MTCL1: variants seen among roughly 807,000 people sequenced by gnomAD.
The protein encoded by MTCL1 is microtubule cross-linking factor 1.
Under a neutral mutation model 141.4 loss-of-function variants are expected in MTCL1, and 79 were observed. The observed-to-expected ratio is 0.56, with a 90% CI of 0.47 to 0.67. The LOEUF is 0.67. Ranked by LOEUF, MTCL1 falls within the 30% of genes least tolerant of loss-of-function variation. MTCL1 has a pLI of 0.00. For missense variants in MTCL1, 2,177 were observed against 2,113.9 expected (o/e 1.03, Z -0.59); for synonymous variants, 914 against 875.8 (o/e 1.04, Z -0.77).
At chr18:8,802,721 G>C (rs939338419) in intron 10 of MTCL1, among the ~76,000 whole-genome samples, 1 of 152,194 alleles carries the variant, frequency 6.6e-6, no homozygotes, top group Admixed American at 6.5e-5. Flanking sequence ...AGCTAGGTGA[G>C]GCTGTAATGC....
chr18:8,805,102 A>AATATATATATAT (rs71356268), intron 10 of MTCL1, among the ~76,000 whole-genome samples: 3,146 of 146,280 alleles, frequency 0.022, 112 homozygotes, highest in Admixed American at 0.088. Context: ...TTTATTTTTG[A>AATATATATATAT]ATATATATAT....
intron 3 of MTCL1, among the ~76,000 whole-genome samples, chr18:8,719,841 A>C (rs2096156359): frequency 6.6e-6 from 1 of 152,188 alleles, no homozygotes; most frequent in African/African-American, 2.4e-5. Context: ...AAGTGCTGGG[A>C]TTACAGGCAA....
exon 15 of MTCL1, chr18:8,826,130 A>G (rs771760300): frequency 8.7e-6 from 14 of 1,613,408 alleles, no homozygotes; most frequent in Middle Eastern, 1.7e-4. Flanking sequence ...AGCTGCTGGA[A>G]CATGCCTTAA....
Position 8,718,661 on chromosome 18 carries a change from G to T in MTCL1, c.198+13G>T, listed in dbSNP as rs144446702. The T allele has an allele frequency of 7.3e-5, 117 of 1,611,600 alleles. No homozygotes were observed. The African/African-American group carries it at 1.4e-3, about 19-fold the overall frequency. On this transcript the variant is annotated intron_variant, in intron 3 of 16. Transcript: ENST00000359865. ...GCAGGACTTGAAGGTGAGTGAGGGG[G>T]TGGTGCGTGCACCTCGCAAGGCTGC... is the stretch of plus-strand genomic sequence containing the variant.
chr18:8,807,776 A>G (rs2076348918), intron 11 of MTCL1, among the ~76,000 whole-genome samples: 1 of 152,182 alleles, frequency 6.6e-6, no homozygotes, highest in Non-Finnish European at 1.5e-5. Flanking sequence ...CCTACATGGT[A>G]TCTGCTGCTG....
At chr18:8,732,051 A>T (rs1049554999) in intron 4 of MTCL1, among the ~76,000 whole-genome samples, 1 of 152,150 alleles carries the variant, frequency 6.6e-6, no homozygotes, top group African/African-American at 2.4e-5. Flanking sequence ...TTGAATTTAT[A>T]TGCTACAAGT....
At chr18:8,721,262 GC>G (rs2096169963) in intron 4 of MTCL1, among the ~76,000 whole-genome samples, 1 of 152,216 alleles carries the variant, frequency 6.6e-6, no homozygotes, top group African/African-American at 2.4e-5. Context: ...CCTGCCAGCA[GC>G]CTTGCTTAGC....
At chr18:8,791,690 G>A (rs1187032589) in intron 7 of MTCL1, among the ~76,000 whole-genome samples, 1 of 152,048 alleles carries the variant, frequency 6.6e-6, no homozygotes, top group Non-Finnish European at 1.5e-5. Flanking sequence ...TGCAAAATTA[G>A]TCATTGAGGT....
intron 4 of MTCL1, among the ~76,000 whole-genome samples, chr18:8,742,828 C>T (rs2096312224): frequency 6.6e-6 from 1 of 152,160 alleles, no homozygotes; most frequent in African/African-American, 2.4e-5. Context: ...ATACAGTTTT[C>T]CCTTAACAAA....
chr18:8,778,186 A>G (rs2096519040), intron 5 of MTCL1, among the ~76,000 whole-genome samples: 1 of 152,234 alleles, frequency 6.6e-6, no homozygotes, highest in Non-Finnish European at 1.5e-5. Flanking sequence ...GTACTTATAA[A>G]TGGTAAAAAG....
chr18:8,821,547 G>C, intron 14 of MTCL1, 49 bp downstream of exon 13: 1 of 1,130,596 alleles, frequency 8.8e-7, no homozygotes, highest in African/African-American at 1.6e-5. Flanking sequence ...AAAATGTCTT[G>C]GTCTTAAAAT....
intron 15 of MTCL1, among the ~76,000 whole-genome samples, chr18:8,827,116 G>C (rs1200093045): frequency 2.0e-5 from 3 of 152,204 alleles, no homozygotes; most frequent in Non-Finnish European, 4.4e-5. Context: ...TTCACACTGG[G>C]AACACCTGGC....
At chr18:8,827,054 C>T (rs1403458566) in intron 15 of MTCL1, among the ~76,000 whole-genome samples, 7 of 152,206 alleles carry the variant, frequency 4.6e-5, no homozygotes, top group Admixed American at 3.9e-4. Flanking sequence ...ACAGAGAGGA[C>T]GTGTCTGTCC....
chr18:8,806,793 A>C, intron 10 of MTCL1, 100 bp from the exon 10 acceptor site: 10 of 743,348 alleles, frequency 1.3e-5, no homozygotes, highest in East Asian at 9.8e-5. Context: ...AACACCTGGG[A>C]AACAGCCCCC....
At chr18:8,727,118 C>T (rs1451137276) in intron 4 of MTCL1, among the ~76,000 whole-genome samples, 2 of 152,126 alleles carry the variant, frequency 1.3e-5, no homozygotes, top group African/African-American at 2.4e-5. Flanking sequence ...CATGTTGCTG[C>T]GAAAGACAGG....
Position 8,720,490 on chromosome 18 carries a change from G to A in MTCL1, c.351G>A (p.Leu117=), listed in dbSNP as rs776777146. 2.5e-6 allele frequency: 4 copies of A among 1,613,830 alleles called. No individual in the cohort carries two copies. The East Asian group carries it at 6.7e-5, about 27-fold the overall frequency. The change falls in exon 4 of 17, where the codon CTG becomes CTA. Residue 117 remains leucine, a synonymous_variant. Transcript: ENST00000359865. ...CCCTCCAGAATGAGCTGGAGAGACT[G>A]AAAGAGGTAATCCAAAACTGTGGGG...
rs1254759757 is a variant in MTCL1 at position 8,793,117 on chromosome 18, TA to T, written c.2009del (p.Lys670ArgfsTer10). On this transcript the variant is annotated frameshift_variant and splice_region_variant, in exon 8 of 17. Coordinates refer to ENST00000359865, the Ensembl canonical transcript of MTCL1. LOFTEE classifies it high-confidence loss of function. ...CAGAGACATTTACAAACAAGATCCA[TA>T]AGGTAAATATTTAACACGGACTCAG... The T allele has an allele frequency of 6.2e-7, 1 of 1,613,456 alleles. No individual in the cohort carries two copies. Among genetic ancestry groups the T allele is most frequent in the Non-Finnish European group, 8.5e-7 (1 of 1,179,718 alleles).
chr18:8,706,519 AGCGGGGTTTC>A lies in MTCL1; in HGVS notation c.861_870del (p.Ser287ArgfsTer65). 1 of 1,335,026 alleles carries A rather than the reference AGCGGGGTTTC, an allele frequency of 7.5e-7. No homozygotes were observed. The highest frequency in any genetic ancestry group is 9.6e-7 in the Non-Finnish European group (1 of 1,046,814). 82.7% of individuals were successfully genotyped at this position (1,335,026 alleles called of 1,614,324 possible). On this transcript the variant is annotated frameshift_variant, in exon 1 of 14. Coordinates refer to the MTCL1 transcript ENST00000306329. LOFTEE classifies it high-confidence loss of function. Reference sequence around the variant, plus strand: ...CTGTCCCGGGGGCCGGAGCATCCCGAGCGGGGTTTCGGGGGGTTTCGCGGGGCCCGGCGTG... The same window carrying A: ...CTGTCCCGGGGGCCGGAGCATCCCGAGGGGGGTTTCGCGGGGCCCGGCGTG...
chr18:8,761,002 G>A (rs1008361956), intron 4 of MTCL1, among the ~76,000 whole-genome samples: 3 of 152,174 alleles, frequency 2.0e-5, no homozygotes, highest in Admixed American at 6.5e-5. Flanking sequence ...TTTTAAATGT[G>A]TGTCACCATT....
Sources: allele counts gnomAD v4.1 joint callset (sites outside exome capture counted in the v4.1 genomes callset), GRCh38; gene constraint gnomAD v4.1.1; transcripts MANE v1.5; gene names NCBI Gene and HGNC (gene_info 2026-07-23, HGNC 2026-07-21).